RAB11B: variants seen among roughly 807,000 people sequenced by gnomAD.
The protein encoded by RAB11B is ras-related protein Rab-11B.
RAB11B carries 7 observed loss-of-function variants against 23.7 expected under a neutral mutation model. The ratio of observed to expected loss-of-function variants is 0.29; its 90% confidence interval spans 0.17 to 0.55. The LOEUF is 0.55. Ranked by LOEUF, RAB11B falls within the 20% of genes least tolerant of loss-of-function variation. The probability of loss-of-function intolerance (pLI) is 0.93; values close to 1 mark genes in which losing one functional copy is unlikely to be tolerated. For synonymous variants in RAB11B, 138 were observed against 132.0 expected (o/e 1.05, Z -0.31); for missense variants, 189 against 320.0 (o/e 0.59, Z 3.12).
At chr19:8,392,805 C>T (rs1971368181) in intron 1 of RAB11B, among the ~76,000 whole-genome samples, 1 of 148,302 alleles carries the variant, frequency 6.7e-6, no homozygotes, top group African/African-American at 2.5e-5. Flanking sequence ...ATTCTCCTGC[C>T]TCAGCCTCCC....
At position 8,403,459 on chromosome 19, in the gene RAB11B, C is replaced by A. The variant is rs774475563; in HGVS notation, c.558C>A (p.Ala186=). 1.9e-6 allele frequency: 3 copies of A among 1,613,868 alleles called. No individual in the cohort carries two copies. The East Asian group carries it at 6.7e-5, about 36-fold the overall frequency. Residue 186 remains alanine, a synonymous_variant, in exon 5 of 5, where the codon GCC becomes GCA. Coordinates refer to ENST00000328024, the MANE Select transcript of RAB11B (RefSeq NM_004218.4). ...AGAAACAGATCGCAGACCGCGCTGC[C>A]CACGACGAGTCCCCGGGGAACAACG... The part of the protein sequence containing the change: ...VSQKQIADRA[A]HDESPGNNVV...
Position 8,399,040 on chromosome 19 carries a change from C to T in RAB11B, c.41-823C>T, listed in dbSNP as rs368943335. ...TGATCTCGGCTCACTGCAAGCTCCGCCTCCCGGATTCACGCCATTCTCCTG... is the reference window on the plus strand; with the variant it reads ...TGATCTCGGCTCACTGCAAGCTCCGTCTCCCGGATTCACGCCATTCTCCTG... On this transcript the variant is annotated intron_variant, in intron 1 of 4. Coordinates refer to ENST00000328024, the MANE Select transcript of RAB11B (RefSeq NM_004218.4). 5.9e-5 allele frequency among the ~76,000 whole-genome samples: 9 copies of T among 152,048 alleles called. No homozygotes were observed. In the East Asian group the frequency reaches 1.7e-3, roughly 30 times the overall value.
At chr19:8,392,691 T>C (rs1343507542) in intron 1 of RAB11B, among the ~76,000 whole-genome samples, 2 of 137,754 alleles carry the variant, frequency 1.5e-5, no homozygotes, top group African/African-American at 5.4e-5. Context: ...TTTTCTTTTT[T>C]TTTTTTTTTT....
Position 8,403,610 on chromosome 19 carries a change from CG to C in RAB11B, c.*54del. 6.4e-7 allele frequency: 1 copy of C among 1,570,596 alleles called. No homozygotes were observed. The highest frequency in any genetic ancestry group is 8.7e-7 in the Non-Finnish European group (1 of 1,154,680). ...GCACGTCCTCCGCCCGCCCCCGCCA[CG>C]GTATCCTCTGGCCCCTCCCTGCTGT... On this transcript the variant is annotated 3_prime_UTR_variant, in exon 5 of 5. Coordinates refer to ENST00000328024, the MANE Select transcript of RAB11B (RefSeq NM_004218.4).
intron 1 of RAB11B, among the ~76,000 whole-genome samples, chr19:8,394,364 A>C (rs1488255079): frequency 1.3e-5 from 2 of 152,128 alleles, no homozygotes; most frequent in Non-Finnish European, 1.5e-5. Flanking sequence ...CCATGTTGAC[A>C]GGCTGGTCTC....
At chr19:8,399,062 C>T (rs939163708) in intron 1 of RAB11B, among the ~76,000 whole-genome samples, 10 of 152,034 alleles carry the variant, frequency 6.6e-5, no homozygotes, top group African/African-American at 2.4e-4. Flanking sequence ...ACGCCATTCT[C>T]CTGCCTCAGC....
chr19:8,398,821 G>A (rs892491264), intron 1 of RAB11B, among the ~76,000 whole-genome samples: 39 of 152,212 alleles, frequency 2.6e-4, no homozygotes, highest in Middle Eastern at 6.8e-3. Context: ...AATCTCTGTT[G>A]CCTAGGCTGG....
chr19:8,391,108 C>A (rs545333977), intron 1 of RAB11B, among the ~76,000 whole-genome samples: 1 of 152,164 alleles, frequency 6.6e-6, no homozygotes, highest in Non-Finnish European at 1.5e-5. Context: ...TCAGAACTCT[C>A]AACAGTGCTA....
At chr19:8,397,656 G>A (rs1406057285) in intron 1 of RAB11B, among the ~76,000 whole-genome samples, 1 of 152,094 alleles carries the variant, frequency 6.6e-6, no homozygotes, top group East Asian at 1.9e-4. Flanking sequence ...TTTCTAGAGG[G>A]AAAATTCCAA....
In RAB11B at chr19:8,390,366, T is replaced by C; in HGVS notation, c.-51T>C. The C allele has an allele frequency of 6.7e-7, 1 of 1,494,606 alleles. No individual in the cohort carries two copies. The highest frequency in any genetic ancestry group is 8.9e-7 in the Non-Finnish European group (1 of 1,122,598). The allele number at this position is 1,494,606 out of a possible 1,614,324, so 92.6% of individuals were successfully genotyped here. On this transcript the variant is annotated 5_prime_UTR_variant, in exon 1 of 5. Coordinates refer to ENST00000328024, the MANE Select transcript of RAB11B (RefSeq NM_004218.4). ...CGGCGCCGGCTCCGCCCCCGTCGGG[T>C]GTTTGTGGTGGGGCTGCGGAGTCGC...
In RAB11B at chr19:8,396,502, A is replaced by T. The variant is rs1005091932; in HGVS notation, c.41-3361A>T. Among the ~76,000 whole-genome samples, 1 of 152,038 alleles carries T rather than the reference A, an allele frequency of 6.6e-6. No individual in the cohort carries two copies. Among genetic ancestry groups the T allele is most frequent in the African/African-American group, 2.4e-5 (1 of 41,368 alleles). On this transcript the variant is annotated intron_variant, in intron 1 of 4. Transcript: ENST00000328024. The surrounding 1 kb of genome is among the most constrained non-coding windows in gnomAD (Gnocchi z 5.0). ...GGGAGCAGGGTAATTCGGAGAGTAGAGTTTTAGTAGCATAGCAGGGAGGGC... is the reference window on the plus strand; with the variant it reads ...GGGAGCAGGGTAATTCGGAGAGTAGTGTTTTAGTAGCATAGCAGGGAGGGC...
intron 1 of RAB11B, among the ~76,000 whole-genome samples, chr19:8,392,685 C>CTTTTT (rs74176644): frequency 0.025 from 1,962 of 79,522 alleles, 86 homozygotes; most frequent in Non-Finnish European, 0.03. Context: ...TTTTTCTTTT[C>CTTTTT]TTTTTTTTTT....
In RAB11B at chr19:8,396,707, G is replaced by C. The variant is rs1453016105; in HGVS notation, c.41-3156G>C. The stretch of plus-strand genomic sequence containing the variant: ...GGCCTGTGTGGCTGGAGCAGAGTGA[G>C]CCGGGGGGGGGGCGGGAGGGAGGAG... On this transcript the variant is annotated intron_variant, in intron 1 of 4. Coordinates refer to ENST00000328024, the MANE Select transcript of RAB11B (RefSeq NM_004218.4). This position sits in a 1 kb window ranked among gnomAD's most constrained non-coding sequence, Gnocchi z 5.0. 1.4e-5 allele frequency among the ~76,000 whole-genome samples: 2 copies of C among 139,276 alleles called. No individual in the cohort carries two copies. Among genetic ancestry groups the C allele is most frequent in the African/African-American group, 2.8e-5 (1 of 35,262 alleles). The allele number at this position is 139,276 out of a possible 152,430, so 91.4% of individuals were successfully genotyped here. A position where few individuals can be genotyped will look rare whatever the true frequency, so the allele number is the denominator to read the frequency against.
At chr19:8,397,970 G>C (rs922700470) in intron 1 of RAB11B, among the ~76,000 whole-genome samples, 1 of 152,136 alleles carries the variant, frequency 6.6e-6, no homozygotes, top group Non-Finnish European at 1.5e-5. Flanking sequence ...CCCACACTTG[G>C]GGGTCCACGG....
At chr19:8,390,527 C>T (rs1971339295) in intron 1 of RAB11B, 71 bp downstream of exon 1, 2 of 1,381,800 alleles carry the variant, frequency 1.4e-6, no homozygotes, top group Non-Finnish European at 1.9e-6. Context: ...CAAGGCCGCG[C>T]TCCAGGCCGC....
intron 1 of RAB11B, 79 bp from the exon 2 acceptor site, chr19:8,399,784 C>T: frequency 6.5e-7 from 1 of 1,530,830 alleles, no homozygotes; most frequent in Non-Finnish European, 8.9e-7. Context: ...GGTGCAGCAC[C>T]CAGGGAACCG....
At chr19:8,395,359 C>T (rs142676494) in intron 1 of RAB11B, among the ~76,000 whole-genome samples, 220 of 151,516 alleles carry the variant, frequency 1.5e-3, no homozygotes, top group African/African-American at 5.0e-3. Context: ...CTGCAACCTC[C>T]GCCTCCCAGG....
chr19:8,395,706 T>C (rs1213904803), intron 1 of RAB11B, among the ~76,000 whole-genome samples: 1 of 152,120 alleles, frequency 6.6e-6, no homozygotes, highest in Non-Finnish European at 1.5e-5. Context: ...CCGAGGGGTC[T>C]TGAAGGATGA....
chr19:8,392,491 C>T (rs2967615), intron 1 of RAB11B, among the ~76,000 whole-genome samples: 37,526 of 151,532 alleles, frequency 0.25, 5,092 homozygotes, highest in Middle Eastern at 0.32. Context: ...CCCTGCTGCC[C>T]TCCCCACACT....
Sources: allele counts gnomAD v4.1 joint callset (sites outside exome capture counted in the v4.1 genomes callset), GRCh38; gene constraint gnomAD v4.1.1; non-coding constraint Gnocchi (gnomAD v3.1); transcripts MANE v1.5; gene names NCBI Gene and HGNC (gene_info 2026-07-23, HGNC 2026-07-21).